MICAL3: variants seen among roughly 807,000 people sequenced by gnomAD.
MICAL3 encodes the protein microtubule associated monooxygenase, calponin and LIM domain containing 3, also known as [F-actin]-monooxygenase MICAL3.
Under a neutral mutation model 207.4 loss-of-function variants are expected in MICAL3, and 62 were observed. That is an observed-to-expected ratio of 0.30 (90% CI 0.24 to 0.37). The LOEUF is 0.37. Among genes scored for constraint, MICAL3 ranks in the 10% least tolerant of loss-of-function variants. The probability of loss-of-function intolerance (pLI) is 1.00; values close to 1 mark genes in which losing one functional copy is unlikely to be tolerated. For missense variants in MICAL3, 2,368 were observed against 2,635.6 expected, an observed-to-expected ratio of 0.90 and a Z score of 2.22; for synonymous variants, 1,077 against 1,069.3, an observed-to-expected ratio of 1.01 and a Z score of -0.14.
At position 17,994,616 on chromosome 22, in the gene MICAL3, G is replaced by C. The variant is rs550000236; in HGVS notation, c.-75+29665C>G. Among the ~76,000 whole-genome samples, 10 of 152,306 alleles carry C rather than the reference G, an allele frequency of 6.6e-5. No homozygotes were observed. The East Asian group carries it at 1.9e-3, about 29-fold the overall frequency. The stretch of plus-strand genomic sequence containing the variant: ...TAGTCCCAGCTACTCAGGAGGCTGA[G>C]GTTGGGGGATGGCCTGGCCCAGGAG... On this transcript the variant is annotated intron_variant, in intron 1 of 31. Coordinates refer to ENST00000441493, the MANE Select transcript of MICAL3 (RefSeq NM_015241.3).
intron 19 of MICAL3, among the ~76,000 whole-genome samples, chr22:17,856,370 C>T (rs1602064524): frequency 2.6e-5 from 4 of 152,272 alleles, no homozygotes; most frequent in East Asian, 1.9e-4. Context: ...TGCTGGCTCT[C>T]GGCAACACAG....
intron 1 of MICAL3, among the ~76,000 whole-genome samples, chr22:17,997,998 G>A (rs1922486543): frequency 6.6e-6 from 1 of 152,048 alleles, no homozygotes; most frequent in South Asian, 2.1e-4. Flanking sequence ...TCAGTGAAGT[G>A]AAACTTAAGA....
At chr22:17,933,569 A>T (rs1000914737) in intron 1 of MICAL3, among the ~76,000 whole-genome samples, 1 of 152,170 alleles carries the variant, frequency 6.6e-6, no homozygotes, top group African/African-American at 2.4e-5. Context: ...GAACTAGAGA[A>T]GCAAGAGCAA....
chr22:17,969,514 A>T (rs1335545936), intron 1 of MICAL3, among the ~76,000 whole-genome samples: 2 of 152,134 alleles, frequency 1.3e-5, no homozygotes, highest in African/African-American at 4.8e-5. Context: ...TCTAGGCAAG[A>T]CACATGCTTT....
At chr22:17,983,734 T>G (rs1216706348) in intron 1 of MICAL3, 1 of 152,538 alleles carries the variant, frequency 6.6e-6, no homozygotes, top group Non-Finnish European at 1.5e-5. Context: ...GTGGACACCA[T>G]TCCACACTGC....
At chr22:17,832,222 G>A in intron 20 of MICAL3, 115 bp from the exon 21 acceptor site, 1 of 1,345,420 alleles carries the variant, frequency 7.4e-7, no homozygotes, top group Non-Finnish European at 1.0e-6. Context: ...TGCTGAGCAG[G>A]CGGAGAGAGA....
At chr22:17,994,601 T>C (rs1479307326) in intron 1 of MICAL3, among the ~76,000 whole-genome samples, 2 of 152,014 alleles carry the variant, frequency 1.3e-5, no homozygotes, top group African/African-American at 2.4e-5. Flanking sequence ...TAGTCCCAGC[T>C]ACTCAGGAGG....
intron 1 of MICAL3, among the ~76,000 whole-genome samples, chr22:17,976,968 G>A (rs988141382): frequency 8.1e-4 from 123 of 151,978 alleles, no homozygotes; most frequent in African/African-American, 2.9e-3. Flanking sequence ...CACCATGCCC[G>A]GCTAATTTTT....
At chr22:17,997,558 T>C (rs1264428552) in intron 1 of MICAL3, among the ~76,000 whole-genome samples, 1 of 151,966 alleles carries the variant, frequency 6.6e-6, no homozygotes, top group African/African-American at 2.4e-5. Context: ...CCTGGGGTGG[T>C]GGCAGCAGCA....
chr22:17,908,346 T>C (rs920106005), intron 1 of MICAL3, among the ~76,000 whole-genome samples: 1 of 152,080 alleles, frequency 6.6e-6, no homozygotes, highest in Non-Finnish European at 1.5e-5. Flanking sequence ...CTCGCTTTGT[T>C]GCCCAGGCTG....
intron 1 of MICAL3, among the ~76,000 whole-genome samples, chr22:17,937,432 G>T (rs890972588): frequency 1.3e-5 from 2 of 152,204 alleles, no homozygotes; most frequent in African/African-American, 4.8e-5. Flanking sequence ...GGGAGGCCAA[G>T]GTGGGCAGAT....
At chr22:17,802,522 C>A (rs2061951018) in intron 29 of MICAL3, among the ~76,000 whole-genome samples, 1 of 152,044 alleles carries the variant, frequency 6.6e-6, no homozygotes, top group South Asian at 2.1e-4. Context: ...ACACCAGAAG[C>A]CCTGGGACAC....
intron 20 of MICAL3, among the ~76,000 whole-genome samples, chr22:17,838,491 C>T (rs1413201315): frequency 4.3e-5 from 5 of 117,240 alleles, no homozygotes; most frequent in Non-Finnish European, 6.8e-5. Flanking sequence ...GCAGTAACTC[C>T]GGGCATCAAG....
Position 17,872,756 on chromosome 22 carries a change from C to G in MICAL3, c.2242-733G>C, listed in dbSNP as rs376620766. The G allele has an allele frequency of 2.4e-5, 39 of 1,610,864 alleles. No individual in the cohort carries two copies. The South Asian group carries it at 3.7e-4, about 15-fold the overall frequency. ...TGGAGGCGTCTCTTACCAGTTCCTTCTTGTCTAGAAGGGCTTTGGGTTGTT... is the reference window on the plus strand; with the variant it reads ...TGGAGGCGTCTCTTACCAGTTCCTTGTTGTCTAGAAGGGCTTTGGGTTGTT... On this transcript the variant is annotated intron_variant, in intron 16 of 31. Coordinates refer to ENST00000441493, the MANE Select transcript of MICAL3 (RefSeq NM_015241.3).
chr22:17,823,510 A>T (rs1445392105), intron 22 of MICAL3, among the ~76,000 whole-genome samples: 2 of 152,162 alleles, frequency 1.3e-5, no homozygotes, highest in Non-Finnish European at 2.9e-5. Flanking sequence ...AAAATCCAAG[A>T]TCCAAAATGC....
At chr22:17,845,178 T>A (rs979658916) in intron 19 of MICAL3, among the ~76,000 whole-genome samples, 6 of 152,246 alleles carry the variant, frequency 3.9e-5, no homozygotes, top group African/African-American at 1.4e-4. Context: ...AAAAGTGGTA[T>A]TTCTTTTAGA....
At chr22:17,959,662 G>A (rs1320669438) in intron 1 of MICAL3, among the ~76,000 whole-genome samples, 1 of 152,206 alleles carries the variant, frequency 6.6e-6, no homozygotes, top group African/African-American at 2.4e-5. Flanking sequence ...CACCAGTGGA[G>A]GTTTACAAAG....
At chr22:17,889,484 G>A (rs539006446) in intron 12 of MICAL3, among the ~76,000 whole-genome samples, 1 of 152,142 alleles carries the variant, frequency 6.6e-6, no homozygotes, top group Non-Finnish European at 1.5e-5. Context: ...GTCAAAAAAC[G>A]ACTCTCATTT....
chr22:17,967,604 T>A (rs912823866), intron 1 of MICAL3, among the ~76,000 whole-genome samples: 6 of 152,148 alleles, frequency 3.9e-5, no homozygotes, highest in Non-Finnish European at 7.3e-5. Flanking sequence ...TACATTTAAG[T>A]ACATATTATA....
Sources: allele counts gnomAD v4.1 joint callset (sites outside exome capture counted in the v4.1 genomes callset), GRCh38; gene constraint gnomAD v4.1.1; transcripts MANE v1.5; gene names NCBI Gene and HGNC (gene_info 2026-07-23, HGNC 2026-07-21).